The following AK5 variants were observed in gnomAD, a reference collection of about 807,000 sequenced individuals.
The protein encoded by AK5 is adenylate kinase 5, also known as adenylate kinase isoenzyme 5.
In AK5, 27 loss-of-function variants were observed where a neutral mutation model predicts 69.5. The ratio of observed to expected loss-of-function variants is 0.39; its 90% CI spans 0.29 to 0.54. The LOEUF is 0.54. Among genes scored for constraint, AK5 ranks in the 20% least tolerant of loss-of-function variants. The pLI is 0.71. For synonymous variants in AK5, 260 were observed against 244.4 expected (o/e 1.06, Z -0.60); for missense variants, 531 against 700.4 (o/e 0.76, Z 2.73).
chr1:77,325,204 A>G (rs1159815463), intron 5 of AK5, among the ~76,000 whole-genome samples: 1 of 142,422 alleles, frequency 7.0e-6, no homozygotes, highest in Admixed American at 7.4e-5. Flanking sequence ...ACGGGGTTTC[A>G]CCACGTTGGT....
At chr1:77,391,710 A>T (rs1241784934) in intron 6 of AK5, among the ~76,000 whole-genome samples, 1 of 151,910 alleles carries the variant, frequency 6.6e-6, no homozygotes, top group Non-Finnish European at 1.5e-5. Flanking sequence ...CACTGCTTGG[A>T]TTATTTTCAT....
chr1:77,504,776 T>C (rs1656934638), intron 10 of AK5, among the ~76,000 whole-genome samples: 1 of 152,240 alleles, frequency 6.6e-6, no homozygotes. Flanking sequence ...ATTTTTTAAC[T>C]TCCATAGATG....
intron 10 of AK5, among the ~76,000 whole-genome samples, chr1:77,516,378 A>G (rs1197318186): frequency 6.6e-6 from 1 of 152,096 alleles, no homozygotes; most frequent in African/African-American, 2.4e-5. Context: ...ACAACACTGT[A>G]TTGTATACTT....
At chr1:77,355,868 T>TACACACACACACACACAC (rs66682700) in intron 6 of AK5, among the ~76,000 whole-genome samples, 10 of 146,160 alleles carry the variant, frequency 6.8e-5, no homozygotes, top group African/African-American at 2.5e-4. Flanking sequence ...CCTCATTAAA[T>TACACACACACACACACAC]ACACACACAC....
chr1:77,356,324 C>T (rs764099167), intron 6 of AK5, among the ~76,000 whole-genome samples: 2 of 152,040 alleles, frequency 1.3e-5, no homozygotes, highest in African/African-American at 2.4e-5. Context: ...ATTTGTTGAG[C>T]GAAACATAGA....
chr1:77,338,669 C>G (rs1341873085), intron 5 of AK5, among the ~76,000 whole-genome samples: 1 of 152,042 alleles, frequency 6.6e-6, no homozygotes, highest in East Asian at 1.9e-4. Context: ...GGAAAACACC[C>G]CCACTTCAGG....
At chr1:77,531,985 G>A (rs1658640137) in intron 12 of AK5, 1 of 113,772 alleles carries the variant, frequency 8.8e-6, no homozygotes, top group Non-Finnish European at 2.2e-5. Flanking sequence ...ACTGCCTGCG[G>A]CCATCCGGCC....
intron 10 of AK5, among the ~76,000 whole-genome samples, chr1:77,487,659 CTG>C (rs1655686978): frequency 6.6e-6 from 1 of 152,214 alleles, no homozygotes; most frequent in Non-Finnish European, 1.5e-5. Context: ...GATGAGGAAA[CTG>C]AGGCCCAGAG....
At chr1:77,498,516 G>A (rs904930608) in intron 10 of AK5, among the ~76,000 whole-genome samples, 2 of 152,206 alleles carry the variant, frequency 1.3e-5, no homozygotes, top group Non-Finnish European at 2.9e-5. Context: ...GCTCCTACAT[G>A]TACAGCTGTG....
intron 13 of AK5, among the ~76,000 whole-genome samples, chr1:77,538,304 A>G (rs370646637): frequency 6.6e-6 from 1 of 151,638 alleles, no homozygotes; most frequent in African/African-American, 2.4e-5. Context: ...GCACCACTGC[A>G]CTCCAGCCTG....
chr1:77,327,633 C>T (rs1660873476), intron 5 of AK5, among the ~76,000 whole-genome samples: 1 of 152,186 alleles, frequency 6.6e-6, no homozygotes, highest in Admixed American at 6.5e-5. Flanking sequence ...GCAGGCATAG[C>T]TCACCCCACA....
chr1:77,333,336 C>G (rs1227437720), intron 5 of AK5, among the ~76,000 whole-genome samples: 1 of 152,184 alleles, frequency 6.6e-6, no homozygotes, highest in Admixed American at 6.5e-5. Context: ...CTCTTATGAA[C>G]AGCAAGTACT....
At chr1:77,506,727 G>A (rs1018513305) in intron 10 of AK5, among the ~76,000 whole-genome samples, 7 of 152,268 alleles carry the variant, frequency 4.6e-5, no homozygotes, top group Middle Eastern at 3.4e-3. Context: ...GGCCGGGCAC[G>A]GTGGCTCACA....
intron 8 of AK5, among the ~76,000 whole-genome samples, chr1:77,475,779 T>C (rs1654902028): frequency 6.6e-6 from 1 of 151,880 alleles, no homozygotes; most frequent in Non-Finnish European, 1.5e-5. Flanking sequence ...ACATTAACTT[T>C]ACATGAAATT....
intron 6 of AK5, among the ~76,000 whole-genome samples, chr1:77,385,587 T>C (rs1647967565): frequency 6.6e-6 from 1 of 152,186 alleles, no homozygotes; most frequent in African/African-American, 2.4e-5. Flanking sequence ...TGTTCATAAA[T>C]ATGTGTGGTC....
At chr1:77,348,948 CTA>C (rs1662053003) in intron 6 of AK5, among the ~76,000 whole-genome samples, 1 of 151,990 alleles carries the variant, frequency 6.6e-6, no homozygotes, top group Non-Finnish European at 1.5e-5. Flanking sequence ...TGTCCCTAGA[CTA>C]AATTTTTTTC....
chr1:77,336,238 C>T (rs748483513), intron 5 of AK5, among the ~76,000 whole-genome samples: 7 of 152,026 alleles, frequency 4.6e-5, no homozygotes, highest in Non-Finnish European at 8.8e-5. Context: ...TGCGCCACCA[C>T]GCCCAGCTAC....
intron 10 of AK5, among the ~76,000 whole-genome samples, chr1:77,513,332 T>C (rs1288825819): frequency 6.6e-6 from 1 of 152,174 alleles, no homozygotes; most frequent in Non-Finnish European, 1.5e-5. Flanking sequence ...CACACTGCTG[T>C]GATGATGGTT....
At chr1:77,292,076 G>A (rs1309890724) in intron 2 of AK5, among the ~76,000 whole-genome samples, 1 of 152,200 alleles carries the variant, frequency 6.6e-6, no homozygotes, top group East Asian at 1.9e-4. Flanking sequence ...AAAATATGAT[G>A]ATGGCTTGGG....
Sources: allele counts gnomAD v4.1 joint callset (sites outside exome capture counted in the v4.1 genomes callset), GRCh38; gene constraint gnomAD v4.1.1; transcripts MANE v1.5; gene names NCBI Gene and HGNC (gene_info 2026-07-23, HGNC 2026-07-21).